Variants in LRBA observed in about 807,000 individuals in gnomAD.
LRBA encodes the protein LPS responsive beige-like anchor protein.
A neutral mutation model predicts 330.0 loss-of-function variants in LRBA; 176 were observed. The ratio of observed to expected loss-of-function variants is 0.53; its 90% CI spans 0.47 to 0.60. LRBA has a LOEUF of 0.60. Ranked by LOEUF, LRBA falls within the 20% of genes least tolerant of loss-of-function variation. The probability of loss-of-function intolerance (pLI) is 0.00; values close to 1 mark genes in which losing one functional copy is unlikely to be tolerated. For missense variants in LRBA, 3,259 were observed against 3,444.8 expected (o/e 0.95, Z 1.35); for synonymous variants, 1,230 against 1,193.0 (o/e 1.03, Z -0.64).
chr4:150,871,436 A>G lies in LRBA; in HGVS notation c.2276T>C (p.Met759Thr), dbSNP rs1753430287. The G allele has an allele frequency of 6.2e-7, 1 of 1,609,138 alleles. No individual in the cohort carries two copies. Among genetic ancestry groups the G allele is most frequent in the Non-Finnish European group, 8.5e-7 (1 of 1,175,896 alleles). The part of the protein sequence containing the change: ...HLAPKRKAEV[M>T]LGHGLFSLLA... ...CAATGAAAACAATCCATGTCCAAGC[A>G]TGACTTCTGCTTTCCTCCTGCAATT... The change falls in exon 19 of 57, where the codon ATG becomes ACG. Residue 759 changes from methionine (M) to threonine (T), a missense_variant. Coordinates refer to ENST00000651943, the MANE Select transcript of LRBA (RefSeq NM_001364905.1).
chr4:150,800,914 C>T (rs560853893), intron 33 of LRBA, among the ~76,000 whole-genome samples: 1 of 152,062 alleles, frequency 6.6e-6, no homozygotes, highest in Non-Finnish European at 1.5e-5. Context: ...GATCAAAGAC[C>T]ACTGTAATTT....
chr4:150,298,843 T>C (rs539717391), intron 53 of LRBA, among the ~76,000 whole-genome samples: 12 of 152,198 alleles, frequency 7.9e-5, no homozygotes, highest in African/African-American at 2.6e-4. Flanking sequence ...CACAAATCTG[T>C]GCAACACCCT....
At chr4:150,956,177 T>G (rs1737531630) in intron 2 of LRBA, among the ~76,000 whole-genome samples, 1 of 148,648 alleles carries the variant, frequency 6.7e-6, no homozygotes, top group Admixed American at 6.6e-5. Context: ...ATTACTAAAA[T>G]CAGAAATGAG....
At chr4:150,478,484 CA>C (rs1323579747) in intron 42 of LRBA, among the ~76,000 whole-genome samples, 1 of 152,130 alleles carries the variant, frequency 6.6e-6, no homozygotes, top group African/African-American at 2.4e-5. Context: ...CATCACCCCC[CA>C]AATCTCTGAG....
intron 54 of LRBA, among the ~76,000 whole-genome samples, 191 bp downstream of exon 54, chr4:150,285,742 G>A (rs891447162): frequency 1.3e-5 from 2 of 152,196 alleles, no homozygotes; most frequent in African/African-American, 4.8e-5. Flanking sequence ...GACCTGCAAT[G>A]TGGCTAGTGC....
intron 2 of LRBA, among the ~76,000 whole-genome samples, chr4:150,944,088 A>G (rs1409893799): frequency 6.6e-6 from 1 of 152,212 alleles, no homozygotes; most frequent in African/African-American, 2.4e-5. Flanking sequence ...AGCTCCAGCC[A>G]ACATTTTGAA....
intron 37 of LRBA, among the ~76,000 whole-genome samples, chr4:150,615,589 T>TA (rs912623475): frequency 1.3e-5 from 2 of 151,858 alleles, no homozygotes; most frequent in Non-Finnish European, 2.9e-5. Context: ...TCTGAGAAAA[T>TA]AAAAGAACTG....
At chr4:150,739,983 T>C (rs536547751) in intron 35 of LRBA, among the ~76,000 whole-genome samples, 19 of 152,034 alleles carry the variant, frequency 1.2e-4, no homozygotes, top group Non-Finnish European at 2.1e-4. Context: ...CCAAGAAAAA[T>C]TGAGATAACA....
intron 47 of LRBA, 89 bp from the exon 48 acceptor site, chr4:150,350,248 T>A (rs1698573034): frequency 2.0e-6 from 2 of 1,003,762 alleles, no homozygotes; most frequent in Non-Finnish European, 2.8e-6. Flanking sequence ...AGTTTAACAC[T>A]AACTTTACTG....
intron 40 of LRBA, among the ~76,000 whole-genome samples, chr4:150,522,011 A>G (rs1762969152): frequency 1.3e-5 from 2 of 152,196 alleles, no homozygotes; most frequent in Non-Finnish European, 2.9e-5. Flanking sequence ...ATTTGATGGT[A>G]TATTAATTAT....
chr4:150,757,827 G>A (rs533897117), intron 35 of LRBA, among the ~76,000 whole-genome samples: 14 of 152,164 alleles, frequency 9.2e-5, no homozygotes, highest in African/African-American at 3.1e-4. Flanking sequence ...ATGAATCTTA[G>A]CTTCCACCAC....
chr4:150,362,870 G>A (rs1434206843), intron 47 of LRBA, among the ~76,000 whole-genome samples: 1 of 152,188 alleles, frequency 6.6e-6, no homozygotes, highest in Non-Finnish European at 1.5e-5. Context: ...GGGAGGCTGA[G>A]GTAGGTGGAT....
intron 53 of LRBA, among the ~76,000 whole-genome samples, chr4:150,286,716 A>T (rs952388035): frequency 1.3e-5 from 2 of 152,216 alleles, no homozygotes; most frequent in African/African-American, 4.8e-5. Flanking sequence ...ACAGAGGAGG[A>T]GTATCCAAAA....
In LRBA at chr4:150,852,959, ACAAT is replaced by A; in HGVS notation, c.2767-20_2767-17del. Reference sequence around the variant, plus strand: ...CAAAAGTGACCTAGGTGAAAAATGTACAATCAGTTAAAATATGCATGAGAAATGA... The same window carrying A: ...CAAAAGTGACCTAGGTGAAAAATGTACAGTTAAAATATGCATGAGAAATGA... On this transcript the variant is annotated splice_polypyrimidine_tract_variant and intron_variant, in intron 22 of 56. Coordinates refer to ENST00000651943, the MANE Select transcript of LRBA (RefSeq NM_001364905.1). 1 of 1,501,280 alleles carries A rather than the reference ACAAT, an allele frequency of 6.7e-7. No individual in the cohort carries two copies. Among genetic ancestry groups the A allele is most frequent in the Non-Finnish European group, 8.9e-7 (1 of 1,118,676 alleles). The allele number at this position is 1,501,280 out of a possible 1,614,324, so 93.0% of individuals were successfully genotyped here.
At chr4:150,737,544 C>T (rs113600486) in intron 35 of LRBA, among the ~76,000 whole-genome samples, 7 of 105,514 alleles carry the variant, frequency 6.6e-5, no homozygotes, top group African/African-American at 1.1e-4. Flanking sequence ...AAAAGAAAGA[C>T]GAAAGAAAGA....
intron 34 of LRBA, among the ~76,000 whole-genome samples, chr4:150,779,474 G>A (rs1038339819): frequency 1.1e-4 from 16 of 151,862 alleles, no homozygotes; most frequent in African/African-American, 3.4e-4. Context: ...AAGGTTTAAT[G>A]TTTACTTTTT....
chr4:150,395,138 C>T (rs956984664), intron 47 of LRBA, among the ~76,000 whole-genome samples: 2 of 151,960 alleles, frequency 1.3e-5, no homozygotes, highest in African/African-American at 4.8e-5. Context: ...TTATCTATTA[C>T]TAAAGAAGAT....
intron 27 of LRBA, 31 bp downstream of exon 27, chr4:150,844,626 CT>C: frequency 6.4e-7 from 1 of 1,567,936 alleles, no homozygotes; most frequent in Non-Finnish European, 8.6e-7. Context: ...TAGGAGTATG[CT>C]TTTTGAAAAT....
At chr4:150,931,659 C>T (rs1222438679) in intron 2 of LRBA, among the ~76,000 whole-genome samples, 1 of 150,746 alleles carries the variant, frequency 6.6e-6, no homozygotes, top group African/African-American at 2.4e-5. Flanking sequence ...CCCTAGTACT[C>T]AGGAGGCTGA....
Sources: allele counts gnomAD v4.1 joint callset (sites outside exome capture counted in the v4.1 genomes callset), GRCh38; gene constraint gnomAD v4.1.1; transcripts MANE v1.5; gene names NCBI Gene and HGNC (gene_info 2026-07-23, HGNC 2026-07-21).